Variants in MID1 observed in about 807,000 individuals in gnomAD.
The protein encoded by MID1 is E3 ubiquitin-protein ligase Midline-1.
MID1 carries 7 observed loss-of-function variants against 40.4 expected under a neutral mutation model. The ratio of observed to expected loss-of-function variants is 0.17; its 90% CI spans 0.10 to 0.33. The LOEUF (loss-of-function observed/expected upper bound fraction) is 0.33, where lower values mean the gene tolerates loss of function less well. Among genes scored for constraint, MID1 ranks in the 10% least tolerant of loss-of-function variants. MID1 has a pLI of 1.00. For missense variants in MID1, 367 were observed against 558.5 expected, an observed-to-expected ratio of 0.66 and a Z score of 3.46; for synonymous variants, 229 against 221.2, an observed-to-expected ratio of 1.04 and a Z score of -0.31.
At chrX:10,814,870 T>C (rs765526211) in intron 1 of MID1, among the ~76,000 whole-genome samples, 2 of 111,981 alleles carry the variant, frequency 1.8e-5, no homozygotes, top group South Asian at 7.5e-4. Flanking sequence ...GTTGCATGTA[T>C]CAGTAGTTAA....
At chrX:10,666,865 G>C (rs186606463) in intron 1 of MID1, among the ~76,000 whole-genome samples, 1 of 111,908 alleles carries the variant, frequency 8.9e-6, no homozygotes, top group East Asian at 2.8e-4. Flanking sequence ...AGAAAGGCAG[G>C]GGCTTAAATA....
chrX:10,649,728 T>C (rs775039987), intron 1 of MID1, among the ~76,000 whole-genome samples: 36 of 112,026 alleles, frequency 3.2e-4, no homozygotes, highest in African/African-American at 1.1e-3. Context: ...ATACTGTTGA[T>C]TTGGCATGGG....
At chrX:10,820,043 A>G (rs1390295858) in intron 1 of MID1, among the ~76,000 whole-genome samples, 1 of 111,912 alleles carries the variant, frequency 8.9e-6, no homozygotes, top group Non-Finnish European at 1.9e-5. Context: ...GTTCTTGAGC[A>G]GCCCCATTGG....
intron 1 of MID1, among the ~76,000 whole-genome samples, chrX:10,765,715 A>G (rs1415797854): frequency 9.0e-6 from 1 of 111,150 alleles, no homozygotes; most frequent in Non-Finnish European, 1.9e-5. Flanking sequence ...GTGCAGAAAC[A>G]TCACTGTTTT....
At chrX:10,463,039 T>C (rs1929143575) in intron 7 of MID1, among the ~76,000 whole-genome samples, 2 of 112,358 alleles carry the variant, frequency 1.8e-5, no homozygotes, top group South Asian at 3.7e-4. Flanking sequence ...AATAGGCTGC[T>C]GGGGAAAGGA....
At chrX:10,726,532 A>G (rs1280177139) in intron 1 of MID1, among the ~76,000 whole-genome samples, 2 of 111,843 alleles carry the variant, frequency 1.8e-5, no homozygotes, top group Non-Finnish European at 3.8e-5. Flanking sequence ...AATAAGAGAT[A>G]CATCTGACTA....
intron 1 of MID1, among the ~76,000 whole-genome samples, chrX:10,683,020 T>C (rs1049195650): frequency 5.4e-5 from 6 of 111,446 alleles, no homozygotes; most frequent in Non-Finnish European, 1.1e-4. Context: ...ACTGAACTTA[T>C]AGACCAGTTT....
intron 1 of MID1, among the ~76,000 whole-genome samples, chrX:10,583,435 C>T (rs972881963): frequency 4.5e-5 from 5 of 111,790 alleles, no homozygotes; most frequent in African/African-American, 1.6e-4. Context: ...CAGTATAAAA[C>T]TTTCTGGTGT....
chrX:10,707,822 A>T (rs1322530359), intron 1 of MID1, among the ~76,000 whole-genome samples: 1 of 112,496 alleles, frequency 8.9e-6, no homozygotes, highest in Admixed American at 9.4e-5. Flanking sequence ...TTTGCTCTCA[A>T]TGTGTGAATT....
Position 10,454,964 on chromosome X carries a change from G to A in MID1, c.1561C>T (p.Arg521Cys), listed in dbSNP as rs149482288. 391 of 1,207,166 alleles carry A rather than the reference G, an allele frequency of 3.2e-4. No homozygotes were observed. The highest frequency in any genetic ancestry group is 3.2e-4 in the Non-Finnish European group (288 of 892,745). ...CCATAGCTCCCCTGGCTGGTGAAGC[G>A]TTCAGGTGTGTGACTCTTCTTGGAT... ...SSSKKSHTPE[R>C]FTSQGSYGVA... The change falls in exon 9 of 10, where the codon CGC becomes TGC. Residue 521 changes from arginine (R) to cysteine (C), a missense_variant. Coordinates refer to ENST00000317552, the MANE Select transcript of MID1 (RefSeq NM_000381.4).
chrX:10,740,736 C>T (rs1569159682), intron 1 of MID1, among the ~76,000 whole-genome samples: 1 of 110,567 alleles, frequency 9.0e-6, no homozygotes, highest in Non-Finnish European at 1.9e-5. Flanking sequence ...AGACATTTCC[C>T]CACCTGCACT....
intron 1 of MID1, among the ~76,000 whole-genome samples, chrX:10,636,510 G>A: frequency 9.1e-6 from 1 of 109,484 alleles, no homozygotes; most frequent in Non-Finnish European, 1.9e-5. Context: ...TTGGGATTTG[G>A]ACCCGGAGTG....
At chrX:10,640,195 G>A (rs2147563786) in intron 1 of MID1, among the ~76,000 whole-genome samples, 1 of 111,923 alleles carries the variant, frequency 8.9e-6, no homozygotes, top group Admixed American at 9.5e-5. Context: ...TGAGCTAAAT[G>A]CTCCAATTAA....
chrX:10,524,612 T>C (rs887460258), intron 2 of MID1, among the ~76,000 whole-genome samples: 6 of 112,370 alleles, frequency 5.3e-5, no homozygotes, highest in Admixed American at 2.8e-4. Flanking sequence ...ATTAAGCTTC[T>C]ACAATATGCC....
upstream of MID1, among the ~76,000 whole-genome samples, chrX:10,623,019 G>A (rs1399459055): frequency 2.9e-5 from 3 of 104,754 alleles, no homozygotes; most frequent in African/African-American, 1.1e-4. Context: ...CGAGGAGGGC[G>A]GATGATCGCT....
In MID1 at chrX:10,678,910, C is replaced by A. The variant is rs139667500; in HGVS notation, c.-186-58491G>T. On this transcript the variant is annotated intron_variant, in intron 1 of 10. Coordinates refer to the MID1 transcript ENST00000380785. ...ATTGATGAGGCTCTGGGGAAATGGG[C>A]ACTTTTATAGGTTGCTGCTGGGAGT... Among the ~76,000 whole-genome samples, 467 of 111,430 alleles carry A rather than the reference C, an allele frequency of 4.2e-3. 3 individuals are homozygous for A. Among genetic ancestry groups the A allele is most frequent in the African/African-American group, 0.015 (451 of 30,641 alleles).
intron 1 of MID1, among the ~76,000 whole-genome samples, chrX:10,810,698 G>C (rs113833592): frequency 2.6e-4 from 27 of 103,399 alleles, no homozygotes; most frequent in Admixed American, 1.0e-3. Context: ...TGTTTTCTCT[G>C]TGTGTGTGTG....
At chrX:10,775,749 G>T (rs751935614) in intron 1 of MID1, among the ~76,000 whole-genome samples, 19 of 111,604 alleles carry the variant, frequency 1.7e-4, no homozygotes, top group South Asian at 1.1e-3. Context: ...ATTCTTTGTT[G>T]TGGGTAATGA....
chrX:10,804,848 T>A (rs1264366110), intron 1 of MID1, among the ~76,000 whole-genome samples: 1 of 111,562 alleles, frequency 9.0e-6, no homozygotes, highest in Non-Finnish European at 1.9e-5. Flanking sequence ...TACTGATTCT[T>A]TCTTTTGTAA....
Sources: allele counts gnomAD v4.1 joint callset (sites outside exome capture counted in the v4.1 genomes callset), GRCh38; gene constraint gnomAD v4.1.1; transcripts MANE v1.5; gene names NCBI Gene and HGNC (gene_info 2026-07-23, HGNC 2026-07-21).